Variants in SHANK2 observed in about 807,000 individuals in gnomAD.
SHANK2 encodes the protein SH3 and multiple ankyrin repeat domains protein 2.
Under a neutral mutation model 133.7 loss-of-function variants are expected in SHANK2, and 43 were observed. The ratio of observed to expected loss-of-function variants is 0.32; its 90% CI spans 0.25 to 0.41. SHANK2 has a LOEUF of 0.41. Among genes scored for constraint, SHANK2 ranks in the 10% least tolerant of loss-of-function variants. SHANK2 has a pLI of 1.00. For synonymous variants in SHANK2, 1,017 were observed against 952.8 expected (o/e 1.07, Z -1.24); for missense variants, 1,994 against 2,235.8 (o/e 0.89, Z 2.18).
At chr11:70,829,678 G>A (rs1948698520) in intron 11 of SHANK2, among the ~76,000 whole-genome samples, 1 of 152,172 alleles carries the variant, frequency 6.6e-6, no homozygotes. Flanking sequence ...ACACCCCCAG[G>A]CTAAAGGATC....
intron 4 of SHANK2, among the ~76,000 whole-genome samples, chr11:71,118,259 A>G (rs1269341051): frequency 6.6e-6 from 1 of 152,244 alleles, no homozygotes; most frequent in Non-Finnish European, 1.5e-5. Context: ...GTTGTACAAC[A>G]GTGTGAGATT....
chr11:71,131,069 G>A (rs1387526798), intron 3 of SHANK2, among the ~76,000 whole-genome samples: 3 of 152,360 alleles, frequency 2.0e-5, no homozygotes, highest in Admixed American at 1.3e-4. Context: ...GGAAAGGTGC[G>A]CGCAGGCGTC....
rs1270453644 is a variant in SHANK2, at chr11:70,535,920, T to G, written c.2062-32989A>C. ...GGCCGGAGACCCCAGGAAAGGCACA[T>G]AGCCCAGAATGGACATGTGGCTCAC... On this transcript the variant is annotated intron_variant, in intron 17 of 25. Transcript: ENST00000601538. This position sits in a 1 kb window ranked among gnomAD's most constrained non-coding sequence, Gnocchi z 4.3. 1.3e-5 allele frequency among the ~76,000 whole-genome samples: 2 copies of G among 152,208 alleles called. No homozygotes were observed. The highest frequency in any genetic ancestry group is 2.4e-5 in the African/African-American group (1 of 41,462).
At chr11:70,859,778 A>G (rs781821065) in intron 11 of SHANK2, among the ~76,000 whole-genome samples, 1 of 152,040 alleles carries the variant, frequency 6.6e-6, no homozygotes, top group Admixed American at 6.5e-5. Context: ...GATTGGTTCT[A>G]CCCTCGAGGC....
rs1222076581 is a variant in SHANK2 at position 71,175,045 on chromosome 11, T to G, written c.-12-27707A>C. On this transcript the variant is annotated intron_variant, in intron 2 of 25. Coordinates refer to ENST00000601538, the MANE Select transcript of SHANK2 (RefSeq NM_012309.5). This position sits in a 1 kb window ranked among gnomAD's most constrained non-coding sequence, Gnocchi z 4.2. ...TACATGTCATGCTCTCAGATAAGCC[T>G]TCCCCGGTTACCTTTCTGCAGCTAC... Among the ~76,000 whole-genome samples, 1 of 149,458 alleles carries G rather than the reference T, an allele frequency of 6.7e-6. No individual in the cohort carries two copies. Among genetic ancestry groups the G allele is most frequent in the Non-Finnish European group, 1.5e-5 (1 of 67,486 alleles).
chr11:70,592,687 C>T (rs1428136175), intron 17 of SHANK2, among the ~76,000 whole-genome samples: 1 of 152,136 alleles, frequency 6.6e-6, no homozygotes, highest in Admixed American at 6.5e-5. Flanking sequence ...GTTAGGCCAA[C>T]TCCCTCCTCC....
intron 17 of SHANK2, among the ~76,000 whole-genome samples, chr11:70,601,051 CTATATCTATATCTATATT>C (rs1469407771): frequency 6.9e-6 from 1 of 143,922 alleles, no homozygotes; most frequent in Non-Finnish European, 1.6e-5. Flanking sequence ...ATATCTATAT[CTATATCTATATCTATATT>C]TGAGATGGAG....
At chr11:70,526,369 G>A (rs746418128) in intron 17 of SHANK2, among the ~76,000 whole-genome samples, 18 of 152,336 alleles carry the variant, frequency 1.2e-4, no homozygotes, top group Middle Eastern at 3.4e-3. Flanking sequence ...ACCACTGGCC[G>A]TGGGCTGGCT....
At chr11:71,095,446 A>T (rs528695164) in intron 6 of SHANK2, among the ~76,000 whole-genome samples, 2 of 152,338 alleles carry the variant, frequency 1.3e-5, no homozygotes, top group African/African-American at 4.8e-5. Context: ...AACTACTTTG[A>T]GGTCCTCTTT....
chr11:71,129,211 G>A (rs1448847565), intron 3 of SHANK2, among the ~76,000 whole-genome samples: 2 of 152,228 alleles, frequency 1.3e-5, no homozygotes, highest in African/African-American at 2.4e-5. Context: ...AGAAAGGTCT[G>A]GACTTCACAG....
At chr11:70,545,598 C>T (rs1022853995) in intron 17 of SHANK2, among the ~76,000 whole-genome samples, 5 of 152,366 alleles carry the variant, frequency 3.3e-5, no homozygotes, top group East Asian at 1.9e-4. Flanking sequence ...ACCCTCCGTA[C>T]GGCGCCTGCA....
At chr11:71,112,961 A>G (rs964239899) in intron 5 of SHANK2, among the ~76,000 whole-genome samples, 3 of 152,204 alleles carry the variant, frequency 2.0e-5, no homozygotes, top group Non-Finnish European at 4.4e-5. Context: ...TACGGGGCTC[A>G]CTGTGGACCC....
chr11:70,719,009 T>C (rs375461785), intron 14 of SHANK2, among the ~76,000 whole-genome samples: 4 of 152,198 alleles, frequency 2.6e-5, no homozygotes, highest in African/African-American at 7.2e-5. Context: ...ATACAATGAA[T>C]TAAAGAAGGG....
intron 10 of SHANK2, among the ~76,000 whole-genome samples, chr11:70,935,380 C>T (rs931808230): frequency 1.3e-5 from 2 of 152,160 alleles, no homozygotes; most frequent in African/African-American, 2.4e-5. Context: ...CTGCTACAGT[C>T]TCATTTTGCA....
In SHANK2 at chr11:70,777,457, C is replaced by T. The variant is rs185345763; in HGVS notation, c.1777+20986G>A. ...CTCCCACTACTCTTCATCCTTCCAA[C>T]CCTGCTAGCCCATTCATCCATCTGA... On this transcript the variant is annotated intron_variant, in intron 14 of 25. Coordinates refer to ENST00000601538, the MANE Select transcript of SHANK2 (RefSeq NM_012309.5). Among the ~76,000 whole-genome samples the T allele has an allele frequency of 1.9e-3, 293 of 151,704 alleles. 1 individual carries two copies. The highest frequency in any genetic ancestry group is 3.3e-3 in the Non-Finnish European group (224 of 67,914).
intron 25 of SHANK2, among the ~76,000 whole-genome samples, chr11:70,482,365 G>A (rs1488615121): frequency 6.6e-6 from 1 of 152,228 alleles, no homozygotes; most frequent in African/African-American, 2.4e-5. Flanking sequence ...CTTGGCCTAA[G>A]GACAGTCAGA....
At chr11:71,217,123 G>A (rs1442110030) in intron 2 of SHANK2, among the ~76,000 whole-genome samples, 2 of 152,108 alleles carry the variant, frequency 1.3e-5, no homozygotes, top group African/African-American at 4.8e-5. Context: ...CTTGAACCCG[G>A]GGGGTAGAAG....
chr11:70,894,792 G>A (rs987477834), intron 11 of SHANK2, among the ~76,000 whole-genome samples: 2 of 152,152 alleles, frequency 1.3e-5, no homozygotes, highest in African/African-American at 4.8e-5. Context: ...GTCGTCATGG[G>A]CGGGACCTGT....
Position 71,242,877 on chromosome 11 carries a change from T to C in SHANK2, c.-113+9548A>G, listed in dbSNP as rs529236281. ...ATCAGCAGGACTGAAATTATACAAATAATGTTCTCCAACCACAATAGAATG... is the reference window on the plus strand; with the variant it reads ...ATCAGCAGGACTGAAATTATACAAACAATGTTCTCCAACCACAATAGAATG... On this transcript the variant is annotated intron_variant, in intron 1 of 25. Coordinates refer to ENST00000601538, the MANE Select transcript of SHANK2 (RefSeq NM_012309.5). 1.5e-3 allele frequency among the ~76,000 whole-genome samples: 229 copies of C among 152,326 alleles called. 3 individuals carry two copies. The highest frequency in any genetic ancestry group is 2.2e-4 in the Non-Finnish European group (15 of 68,024).
Sources: allele counts gnomAD v4.1 joint callset (sites outside exome capture counted in the v4.1 genomes callset), GRCh38; gene constraint gnomAD v4.1.1; non-coding constraint Gnocchi (gnomAD v3.1); transcripts MANE v1.5; gene names NCBI Gene and HGNC (gene_info 2026-07-23, HGNC 2026-07-21).